Variants in ARHGAP26 observed in about 807,000 individuals in gnomAD.
The protein encoded by ARHGAP26 is Rho GTPase activating protein 26.
A neutral mutation model predicts 104.8 loss-of-function variants in ARHGAP26; 38 were observed. The ratio of observed to expected loss-of-function variants is 0.36; its 90% CI spans 0.28 to 0.48. The LOEUF is 0.48. Among genes scored for constraint, ARHGAP26 ranks in the 20% least tolerant of loss-of-function variants. The pLI, the probability that ARHGAP26 is intolerant of heterozygous loss-of-function variation, is 0.99. For missense variants in ARHGAP26, 704 were observed against 947.9 expected, an observed-to-expected ratio of 0.74 and a Z score of 3.38; for synonymous variants, 341 against 340.0, an observed-to-expected ratio of 1.00 and a Z score of -0.03.
In ARHGAP26 at chr5:143,115,017, T is replaced by A. The variant is rs1319083923; in HGVS notation, c.1539-5971T>A. Among the ~76,000 whole-genome samples the A allele has an allele frequency of 2.0e-5, 3 of 152,094 alleles. No homozygotes were observed. The East Asian group carries it at 5.8e-4, about 29-fold the overall frequency. On this transcript the variant is annotated intron_variant, in intron 17 of 22. Coordinates refer to ENST00000645722, the MANE Select transcript of ARHGAP26 (RefSeq NM_001135608.3). ...GGCTCTCAGCCTGTTGTGCCAGAAG[T>A]ACTTATAGGGAAGTGATAGAAAATA...
At chr5:143,065,112 C>T (rs1031338173) in intron 17 of ARHGAP26, among the ~76,000 whole-genome samples, 2 of 152,034 alleles carry the variant, frequency 1.3e-5, no homozygotes, top group East Asian at 1.9e-4. Flanking sequence ...TACTTGGTGC[C>T]GCCTTTAATT....
chr5:143,084,560 G>T (rs957209779), intron 17 of ARHGAP26, among the ~76,000 whole-genome samples: 2 of 152,148 alleles, frequency 1.3e-5, no homozygotes, highest in South Asian at 2.1e-4. Flanking sequence ...CCTTTTTACT[G>T]CCCTACTTAC....
intron 1 of ARHGAP26, among the ~76,000 whole-genome samples, chr5:142,784,188 GC>G (rs1186536596): frequency 6.6e-6 from 1 of 152,240 alleles, no homozygotes; most frequent in African/African-American, 2.4e-5. Flanking sequence ...TGGAAAGAAA[GC>G]CTGTTTCCTC....
At chr5:142,961,487 G>C (rs971833468) in intron 11 of ARHGAP26, among the ~76,000 whole-genome samples, 8 of 152,074 alleles carry the variant, frequency 5.3e-5, no homozygotes, top group Non-Finnish European at 1.0e-4. Flanking sequence ...ACAAGACCCT[G>C]TCTCAAAAAA....
chr5:143,140,251 T>G (rs965892716), intron 19 of ARHGAP26, among the ~76,000 whole-genome samples: 3 of 152,182 alleles, frequency 2.0e-5, no homozygotes, highest in Non-Finnish European at 4.4e-5. Flanking sequence ...CTTCTGTCAT[T>G]AGCAGAACAT....
intron 5 of ARHGAP26, among the ~76,000 whole-genome samples, chr5:142,888,155 G>C (rs972462167): frequency 4.6e-5 from 7 of 152,200 alleles, no homozygotes; most frequent in Admixed American, 3.9e-4. Flanking sequence ...AAGAGGTATA[G>C]ATGTGGTTAC....
At position 143,214,096 on chromosome 5, in the gene ARHGAP26, T is replaced by A; in HGVS notation, c.2191+8T>A. 1 of 922,086 alleles carries A rather than the reference T, an allele frequency of 1.1e-6. No homozygotes were observed. Among genetic ancestry groups the A allele is most frequent in the Non-Finnish European group, 1.6e-6 (1 of 634,536 alleles). 57.1% of individuals were successfully genotyped at this position (922,086 alleles called of 1,614,324 possible). On this transcript the variant is annotated splice_region_variant and intron_variant, in intron 22 of 22. Transcript: ENST00000645722. ...GCACGGTCTTCGATAACGGTGAGTT[T>A]CTCATCCCCTCACAAAGATATGGGC...
chr5:143,215,824 T>A (rs1456382720), intron 22 of ARHGAP26, among the ~76,000 whole-genome samples: 1 of 152,238 alleles, frequency 6.6e-6, no homozygotes, highest in Non-Finnish European at 1.5e-5. Flanking sequence ...TGTGCGATGG[T>A]ATGGATATAG....
intron 11 of ARHGAP26, among the ~76,000 whole-genome samples, chr5:142,995,612 C>T (rs185619902): frequency 4.6e-5 from 7 of 152,306 alleles, no homozygotes; most frequent in African/African-American, 1.4e-4. Context: ...GGTGATTCTT[C>T]AAGGATCTAG....
At chr5:142,963,954 C>T (rs991109011) in intron 11 of ARHGAP26, among the ~76,000 whole-genome samples, 35 of 151,998 alleles carry the variant, frequency 2.3e-4, no homozygotes, top group African/African-American at 7.7e-4. Flanking sequence ...CCAGAATTCA[C>T]GAGAAAGCAA....
chr5:142,894,786 C>G (rs1230015799), intron 6 of ARHGAP26, among the ~76,000 whole-genome samples: 1 of 152,212 alleles, frequency 6.6e-6, no homozygotes, highest in African/African-American at 2.4e-5. Context: ...CCCTGTGGTT[C>G]AAAGCCCCTT....
chr5:143,098,725 C>T lies in ARHGAP26; in HGVS notation c.1539-22263C>T, dbSNP rs563541558. Among the ~76,000 whole-genome samples the T allele has an allele frequency of 3.3e-4, 50 of 152,196 alleles. 1 individual carries two copies. In the South Asian group the frequency reaches 6.2e-3, roughly 19 times the overall value. ...AACCTTGCTAAGTATTCAATTCCTC[C>T]GAGCCTCAGTTTTTTCATCTTTCAA... On this transcript the variant is annotated intron_variant, in intron 17 of 22. Coordinates refer to ENST00000645722, the MANE Select transcript of ARHGAP26 (RefSeq NM_001135608.3).
Position 142,796,054 on chromosome 5 carries a change from C to CTGTGTGTG in ARHGAP26, c.154+25169_154+25176dup, listed in dbSNP as rs71890315. Reference sequence around the variant, plus strand: ...TTACTTTGTTTACTAAGGTGTTTTTCTGTGTGTGTGTGTGTGTGTGTGTGT... The same window carrying CTGTGTGTG: ...TTACTTTGTTTACTAAGGTGTTTTTCTGTGTGTGTGTGTGTGTGTGTGTGTGTGTGTGT... On this transcript the variant is annotated intron_variant, in intron 1 of 22. Transcript: ENST00000645722. Among the ~76,000 whole-genome samples, 720 of 144,140 alleles carry CTGTGTGTG rather than the reference C, an allele frequency of 5.0e-3. 9 individuals carry two copies. Among genetic ancestry groups the CTGTGTGTG allele is most frequent in the African/African-American group, 0.017 (655 of 39,390 alleles). The allele number at this position is 144,140 out of a possible 152,430, so 94.6% of individuals were successfully genotyped here.
intron 10 of ARHGAP26, among the ~76,000 whole-genome samples, chr5:142,925,075 G>A (rs1453640578): frequency 1.5e-5 from 2 of 132,268 alleles, no homozygotes; most frequent in Non-Finnish European, 3.0e-5. Flanking sequence ...AGTGTTTGAG[G>A]CAACAGTTTA....
chr5:142,891,115 G>T (rs993711364), intron 5 of ARHGAP26, among the ~76,000 whole-genome samples: 3 of 151,880 alleles, frequency 2.0e-5, no homozygotes, highest in Non-Finnish European at 4.4e-5. Context: ...TTGGATTTGC[G>T]CTACAAGAAG....
chr5:142,912,822 G>A (rs996002014), intron 9 of ARHGAP26, among the ~76,000 whole-genome samples: 3 of 152,162 alleles, frequency 2.0e-5, no homozygotes, highest in African/African-American at 4.8e-5. Context: ...GATCCAGGAA[G>A]ATTTTTTTGG....
At chr5:142,995,482 G>A (rs569399299) in intron 11 of ARHGAP26, among the ~76,000 whole-genome samples, 3 of 152,356 alleles carry the variant, frequency 2.0e-5, no homozygotes, top group African/African-American at 7.2e-5. Flanking sequence ...ATGCCAGTTA[G>A]AATGGCAATC....
At chr5:142,883,784 G>A (rs774439652) in intron 4 of ARHGAP26, among the ~76,000 whole-genome samples, 50 of 152,148 alleles carry the variant, frequency 3.3e-4, no homozygotes, top group South Asian at 2.1e-4. Flanking sequence ...CTGTGACTGC[G>A]CCCTGTTTAT....
rs1801359535 is a variant in ARHGAP26 at position 143,162,314 on chromosome 5, C to CACACACAA, written c.1988+14934_1988+14935insCACACAAA. Among the ~76,000 whole-genome samples the CACACACAA allele has an allele frequency of 2.6e-4, 40 of 151,578 alleles. No homozygotes were observed. In the South Asian group the frequency reaches 8.2e-3, roughly 31 times the overall value. On this transcript the variant is annotated intron_variant, in intron 20 of 22. Transcript: ENST00000645722. ...ACACACACACACACACACACACACG[C>CACACACAA]AATCCCCTTTCCCATTTTTCCCTTG...
Sources: allele counts gnomAD v4.1 joint callset (sites outside exome capture counted in the v4.1 genomes callset), GRCh38; gene constraint gnomAD v4.1.1; transcripts MANE v1.5; gene names NCBI Gene and HGNC (gene_info 2026-07-23, HGNC 2026-07-21).